Variants in L3MBTL4 observed in about 807,000 individuals in gnomAD.
L3MBTL4 encodes lethal(3)malignant brain tumor-like protein 4.
L3MBTL4 carries 70 observed loss-of-function variants against 84.5 expected under a neutral mutation model. That is an observed-to-expected ratio of 0.83 (90% CI 0.68 to 1.01). L3MBTL4 has a LOEUF of 1.01. Among genes scored for constraint, L3MBTL4 ranks in the 50% least tolerant of loss-of-function variants. The pLI is 0.00. For missense variants in L3MBTL4, 715 were observed against 754.8 expected (o/e 0.95, Z 0.62); for synonymous variants, 274 against 259.8 (o/e 1.05, Z -0.52).
At chr18:6,380,652 T>C (rs1021387326) in intron 1 of L3MBTL4, among the ~76,000 whole-genome samples, 3 of 152,236 alleles carry the variant, frequency 2.0e-5, no homozygotes, top group African/African-American at 4.8e-5. Context: ...AATCCTGAGT[T>C]CTAATTTGAT....
chr18:6,305,293 T>C (rs1489832658), intron 3 of L3MBTL4, among the ~76,000 whole-genome samples: 8 of 152,222 alleles, frequency 5.3e-5, no homozygotes, highest in Admixed American at 5.2e-4. Flanking sequence ...GCTATTTAAC[T>C]TTGAACAAAT....
At chr18:6,314,103 CA>C (rs1278125896) in intron 1 of L3MBTL4, among the ~76,000 whole-genome samples, 2 of 152,050 alleles carry the variant, frequency 1.3e-5, no homozygotes, top group African/African-American at 4.8e-5. Flanking sequence ...CACAGAAAAA[CA>C]GACTTAAAGA....
rs549357640 is a variant in L3MBTL4 at position 6,079,282 on chromosome 18, AAC to A, written c.1444+1597_1444+1598del. Among the ~76,000 whole-genome samples, 640 of 152,292 alleles carry A rather than the reference AAC, an allele frequency of 4.2e-3. 3 individuals are homozygous for A. Among genetic ancestry groups the A allele is most frequent in the Middle Eastern group, 0.014 (4 of 294 alleles). On this transcript the variant is annotated intron_variant, in intron 16 of 18. Coordinates refer to ENST00000317931, the MANE Select transcript of L3MBTL4 (RefSeq NM_001330559.2). ...GAATGAACCCCACCTGCACTTCCCC[AAC>A]ACACAGTGGTCTGGGTCCACAGGCA...
intron 1 of L3MBTL4, among the ~76,000 whole-genome samples, chr18:6,312,577 C>T (rs2050889134): frequency 6.6e-6 from 1 of 151,978 alleles, no homozygotes; most frequent in South Asian, 2.1e-4. Context: ...TGAAATCCAC[C>T]ATGGGCTCTA....
intron 16 of L3MBTL4, among the ~76,000 whole-genome samples, chr18:6,065,364 T>C (rs1174445363): frequency 3.9e-5 from 6 of 152,072 alleles, no homozygotes; most frequent in South Asian, 2.1e-4. Flanking sequence ...ACTGGCTTCA[T>C]AGAATGATTT....
At chr18:6,198,669 G>A (rs2045515272) in intron 12 of L3MBTL4, among the ~76,000 whole-genome samples, 1 of 152,172 alleles carries the variant, frequency 6.6e-6, no homozygotes, top group Non-Finnish European at 1.5e-5. Context: ...GAAATGATGA[G>A]AGGAAATGAC....
chr18:6,351,830 C>A (rs1334402022), intron 1 of L3MBTL4, among the ~76,000 whole-genome samples: 1 of 152,046 alleles, frequency 6.6e-6, no homozygotes, highest in African/African-American at 2.4e-5. Flanking sequence ...GGATTACAGG[C>A]GTGAGCAACC....
chr18:6,321,739 C>T (rs1321170425), intron 1 of L3MBTL4, among the ~76,000 whole-genome samples: 1 of 152,056 alleles, frequency 6.6e-6, no homozygotes, highest in Non-Finnish European at 1.5e-5. Flanking sequence ...GAGATAATGT[C>T]TTTTGCAGCA....
chr18:6,234,978 T>C (rs2047155682), intron 10 of L3MBTL4, among the ~76,000 whole-genome samples: 1 of 152,128 alleles, frequency 6.6e-6, no homozygotes, highest in African/African-American at 2.4e-5. Context: ...CATGAAATAC[T>C]ATGCAGCCAT....
chr18:5,989,140 T>C (rs1197454687), intron 16 of L3MBTL4, among the ~76,000 whole-genome samples: 6 of 152,170 alleles, frequency 3.9e-5, no homozygotes, highest in Non-Finnish European at 7.3e-5. Context: ...CACTGTGCCA[T>C]CAGGAATGTG....
At chr18:6,189,647 A>C (rs1284435386) in intron 12 of L3MBTL4, among the ~76,000 whole-genome samples, 1 of 152,214 alleles carries the variant, frequency 6.6e-6, no homozygotes, top group African/African-American at 2.4e-5. Context: ...TTAAGTAAAG[A>C]AAATGGATAT....
chr18:6,413,715 G>C (rs1235153301), intron 1 of L3MBTL4, among the ~76,000 whole-genome samples: 5 of 152,196 alleles, frequency 3.3e-5, no homozygotes, highest in African/African-American at 1.2e-4. Context: ...GTCCAAACAA[G>C]TGTGAAGTGA....
intron 1 of L3MBTL4, among the ~76,000 whole-genome samples, chr18:6,391,132 C>T (rs746646072): frequency 6.6e-6 from 1 of 152,114 alleles, no homozygotes. Context: ...AAAGATAATA[C>T]ACCATGATCA....
intron 15 of L3MBTL4, among the ~76,000 whole-genome samples, chr18:6,092,716 G>A (rs1350814336): frequency 6.6e-6 from 1 of 152,168 alleles, no homozygotes; most frequent in Non-Finnish European, 1.5e-5. Flanking sequence ...GAGAAAAGAT[G>A]TTATTTAAAT....
At chr18:6,108,186 C>T (rs2059075293) in intron 14 of L3MBTL4, among the ~76,000 whole-genome samples, 2 of 152,160 alleles carry the variant, frequency 1.3e-5, no homozygotes, top group Non-Finnish European at 2.9e-5. Context: ...TAGTTAATGA[C>T]AGCCATAAAT....
chr18:6,219,555 T>A (rs2145868104), intron 10 of L3MBTL4, among the ~76,000 whole-genome samples: 1 of 147,808 alleles, frequency 6.8e-6, no homozygotes, highest in African/African-American at 2.5e-5. Flanking sequence ...GGAAAAAGTG[T>A]CACAGAAATT....
chr18:6,288,902 C>T (rs1184495108), intron 4 of L3MBTL4, among the ~76,000 whole-genome samples: 7 of 151,482 alleles, frequency 4.6e-5, no homozygotes, highest in South Asian at 4.2e-4. Flanking sequence ...GTTTCTGGGT[C>T]GTATCCAAAT....
At chr18:6,075,641 A>G (rs1046094677) in intron 16 of L3MBTL4, among the ~76,000 whole-genome samples, 1 of 152,206 alleles carries the variant, frequency 6.6e-6, no homozygotes, top group African/African-American at 2.4e-5. Flanking sequence ...CACTAAAAGC[A>G]TTAATCAAAA....
intron 10 of L3MBTL4, among the ~76,000 whole-genome samples, chr18:6,228,953 A>G (rs1170784655): frequency 1.3e-5 from 2 of 152,202 alleles, no homozygotes; most frequent in East Asian, 3.9e-4. Flanking sequence ...ACTTAATACC[A>G]GAAACAGAAA....
Sources: gnomAD v4.1 joint callset for allele counts (sites outside exome capture counted in the v4.1 genomes callset) on GRCh38, gnomAD v4.1.1 for gene constraint, MANE v1.5 for transcripts, NCBI Gene and HGNC (gene_info 2026-07-23, HGNC 2026-07-21) for gene names.